SGCD: variants seen among roughly 807,000 people sequenced by gnomAD.
The protein encoded by SGCD is sarcoglycan delta.
A neutral mutation model predicts 36.6 loss-of-function variants in SGCD; 18 were observed. The observed-to-expected ratio is 0.49, with a 90% confidence interval of 0.34 to 0.73. SGCD has a LOEUF of 0.73. Among genes scored for constraint, SGCD ranks in the 30% least tolerant of loss-of-function variants. The probability of loss-of-function intolerance (pLI) is 0.01; values close to 1 mark genes in which losing one functional copy is unlikely to be tolerated. For synonymous variants in SGCD, 133 were observed against 130.6 expected (o/e 1.02, Z -0.12); for missense variants, 387 against 346.7 (o/e 1.12, Z -0.92).
At chr5:156,733,493 T>C (rs1189389525) in intron 7 of SGCD, among the ~76,000 whole-genome samples, 1 of 152,078 alleles carries the variant, frequency 6.6e-6, no homozygotes, top group Non-Finnish European at 1.5e-5. Flanking sequence ...GTATATTCTG[T>C]TGTTTTGGGG....
intron 6 of SGCD, among the ~76,000 whole-genome samples, chr5:156,638,565 T>C (rs1337896857): frequency 2.0e-5 from 3 of 152,220 alleles, no homozygotes; most frequent in African/African-American, 7.2e-5. Flanking sequence ...GAGGCTGCCT[T>C]GTTCCAGAAT....
At chr5:156,477,836 C>T (rs1007233600) in intron 3 of SGCD, among the ~76,000 whole-genome samples, 1 of 152,034 alleles carries the variant, frequency 6.6e-6, no homozygotes, top group Non-Finnish European at 1.5e-5. Flanking sequence ...TCATTAGGTG[C>T]AAAATGCAGC....
At chr5:156,462,450 T>C (rs745482562) in intron 3 of SGCD, among the ~76,000 whole-genome samples, 66 of 152,284 alleles carry the variant, frequency 4.3e-4, no homozygotes, top group Non-Finnish European at 6.9e-4. Flanking sequence ...TACTTAACTA[T>C]TGGAGAAATC....
chr5:156,351,884 A>G lies in SGCD; in HGVS notation c.192+7207A>G, dbSNP rs79079117. On this transcript the variant is annotated intron_variant, in intron 3 of 8. Coordinates refer to ENST00000337851, the MANE Select transcript of SGCD (RefSeq NM_000337.6). Reference sequence around the variant, plus strand: ...AGTTTGTCATATTGTGGGGCAGTGCATAATGCCATGAGTGTCAGAAACTGG... The same window carrying G: ...AGTTTGTCATATTGTGGGGCAGTGCGTAATGCCATGAGTGTCAGAAACTGG... 5.3e-4 allele frequency among the ~76,000 whole-genome samples: 81 copies of G among 152,264 alleles called. 2 individuals carry two copies. The East Asian group carries it at 0.014, about 26-fold the overall frequency.
intron 4 of SGCD, among the ~76,000 whole-genome samples, chr5:156,549,627 C>T (rs1373178294): frequency 1.3e-5 from 2 of 152,228 alleles, no homozygotes; most frequent in African/African-American, 4.8e-5. Flanking sequence ...AGGCCACATT[C>T]ATGGCATTTG....
chr5:155,873,669 A>G (rs1383202129), intron 1 of SGCD, among the ~76,000 whole-genome samples: 1 of 152,138 alleles, frequency 6.6e-6, no homozygotes, highest in Non-Finnish European at 1.5e-5. Flanking sequence ...TGCTTCCTAA[A>G]TCTATTACTT....
chr5:156,112,575 GT>G (rs1397860739), intron 1 of SGCD, among the ~76,000 whole-genome samples: 1 of 151,808 alleles, frequency 6.6e-6, no homozygotes, highest in Non-Finnish European at 1.5e-5. Flanking sequence ...TTATGGTTTG[GT>G]TTTTTTTGAG....
chr5:156,000,799 C>CATATATATATATATATATATATATAT (rs145379741), intron 1 of SGCD, among the ~76,000 whole-genome samples: 6 of 145,206 alleles, frequency 4.1e-5, no homozygotes, highest in African/African-American at 1.6e-4. Flanking sequence ...TTTCCTCACA[C>CATATATATATATATATATATATATAT]ATATATATAT....
chr5:155,750,055 T>C, the SGCD span, among the ~76,000 whole-genome samples: 1 of 152,194 alleles, frequency 6.6e-6, no homozygotes, highest in Admixed American at 6.5e-5. Flanking sequence ...TTTTTTTCCA[T>C]TTAAAGATTC....
At chr5:156,362,324 A>T (rs1194379921) in intron 3 of SGCD, among the ~76,000 whole-genome samples, 2 of 152,220 alleles carry the variant, frequency 1.3e-5, no homozygotes, top group Non-Finnish European at 2.9e-5. Context: ...CTATTTGTCA[A>T]TAAAGGTTGA....
intron 3 of SGCD, among the ~76,000 whole-genome samples, chr5:156,495,880 C>T (rs1561734382): frequency 6.6e-6 from 1 of 152,172 alleles, no homozygotes; most frequent in Non-Finnish European, 1.5e-5. Flanking sequence ...ATAAATTCCC[C>T]ACCAATGTCT....
At chr5:156,454,689 T>C (rs753717168) in intron 3 of SGCD, among the ~76,000 whole-genome samples, 2 of 152,020 alleles carry the variant, frequency 1.3e-5, no homozygotes, top group African/African-American at 4.8e-5. Context: ...AGAGAGAGCA[T>C]TGGCATGGTG....
chr5:155,978,225 T>C (rs765726097), intron 1 of SGCD, among the ~76,000 whole-genome samples: 2 of 152,358 alleles, frequency 1.3e-5, no homozygotes, highest in Non-Finnish European at 2.9e-5. Flanking sequence ...AGACTATTTG[T>C]TCCAAAATTT....
chr5:155,990,515 A>G (rs1758410913), intron 1 of SGCD, among the ~76,000 whole-genome samples: 1 of 152,136 alleles, frequency 6.6e-6, no homozygotes, highest in African/African-American at 2.4e-5. Flanking sequence ...TTCCACATGA[A>G]TTGAGGATGA....
chr5:155,947,308 TG>T (rs1757458194), intron 1 of SGCD, among the ~76,000 whole-genome samples: 1 of 140,066 alleles, frequency 7.1e-6, no homozygotes, highest in Non-Finnish European at 1.6e-5. Context: ...TGTGTGTGTG[TG>T]TGTGTGTGTG....
chr5:156,307,555 GTT>G (rs59481792), intron 3 of SGCD, among the ~76,000 whole-genome samples: 69 of 41,156 alleles, frequency 1.7e-3, no homozygotes, highest in African/African-American at 4.9e-3. Flanking sequence ...TTTAACTGTT[GTT>G]TTTTTTTTTT....
the SGCD span, among the ~76,000 whole-genome samples, chr5:155,838,595 C>T: frequency 5.3e-5 from 8 of 152,084 alleles, no homozygotes; most frequent in Middle Eastern, 3.4e-3. Context: ...AGAGAATCCA[C>T]GAGATCAAGA....
chr5:156,194,533 G>A (rs79172588), intron 3 of SGCD, among the ~76,000 whole-genome samples: 2,315 of 152,202 alleles, frequency 0.015, 26 homozygotes, highest in Non-Finnish European at 0.026. Context: ...AGTCAATTGT[G>A]TTATATTCTA....
intron 1 of SGCD, among the ~76,000 whole-genome samples, chr5:155,953,407 T>A (rs1757581876): frequency 6.6e-6 from 1 of 152,188 alleles, no homozygotes; most frequent in Non-Finnish European, 1.5e-5. Context: ...ACATTGTCTA[T>A]CTCTGTTTCT....
Sources: allele counts gnomAD v4.1 joint callset (sites outside exome capture counted in the v4.1 genomes callset), GRCh38; gene constraint gnomAD v4.1.1; transcripts MANE v1.5; gene names NCBI Gene and HGNC (gene_info 2026-07-23, HGNC 2026-07-21).